The following PDE1C variants were observed in gnomAD, a reference collection of about 807,000 sequenced individuals.
The protein encoded by PDE1C is phosphodiesterase 1C, also known as dual specificity calcium/calmodulin-dependent 3',5'-cyclic nucleotide phosphodiesterase 1C.
Under a neutral mutation model 93.1 loss-of-function variants are expected in PDE1C, and 62 were observed. That is an observed-to-expected ratio of 0.67 (90% CI 0.54 to 0.82). The LOEUF is 0.82. Ranked by LOEUF, PDE1C falls within the 40% of genes least tolerant of loss-of-function variation. The probability of loss-of-function intolerance (pLI) is 0.00; values close to 1 mark genes in which losing one functional copy is unlikely to be tolerated. For missense variants in PDE1C, 742 were observed against 884.6 expected (o/e 0.84, Z 2.04); for synonymous variants, 325 against 310.1 (o/e 1.05, Z -0.50).
At chr7:31,660,995 G>T in the PDE1C span, among the ~76,000 whole-genome samples, 1 of 152,102 alleles carries the variant, frequency 6.6e-6, no homozygotes, top group East Asian at 1.9e-4. Flanking sequence ...ATGATAAAAA[G>T]AAATGTGATG....
At chr7:32,385,472 A>C (rs1037464639) in intron 1 of PDE1C, among the ~76,000 whole-genome samples, 4 of 152,092 alleles carry the variant, frequency 2.6e-5, no homozygotes, top group African/African-American at 7.2e-5. Context: ...TTGGCACTCC[A>C]CTTCTTGAGT....
At position 32,147,984 on chromosome 7, in the gene PDE1C, T is replaced by TAAAAAAAAAAAAAA. The variant is rs752433564; in HGVS notation, c.308+21787_308+21800dup. On this transcript the variant is annotated intron_variant, in intron 3 of 18. Transcript: ENST00000396193. ...AACTTGCCTCTCAACCCATTTATGC[T>TAAAAAAAAAAAAAA]AAAAAAAAAAAAAAAAAAAAAGCCT... Among the ~76,000 whole-genome samples the TAAAAAAAAAAAAAA allele has an allele frequency of 1.1e-3, 89 of 79,718 alleles. 9 individuals are homozygous for TAAAAAAAAAAAAAA. Among genetic ancestry groups the TAAAAAAAAAAAAAA allele is most frequent in the African/African-American group, 4.4e-3 (79 of 17,878 alleles). The allele number at this position is 79,718 out of a possible 152,430, so 52.3% of individuals were successfully genotyped here. A position where few individuals can be genotyped will look rare whatever the true frequency, so the allele number is the denominator to read the frequency against.
chr7:32,329,536 A>G (rs215634), intron 1 of PDE1C, among the ~76,000 whole-genome samples: 76,866 of 152,094 alleles, frequency 0.51, 22,148 homozygotes, highest in Admixed American at 0.66. Context: ...CCTTTTCCAC[A>G]GAGGTATGGC....
At chr7:32,137,960 T>G (rs946704927) in intron 3 of PDE1C, among the ~76,000 whole-genome samples, 1 of 152,192 alleles carries the variant, frequency 6.6e-6, no homozygotes, top group African/African-American at 2.4e-5. Flanking sequence ...ATCCCCAGGT[T>G]TTTCCAGGAT....
intron 16 of PDE1C, among the ~76,000 whole-genome samples, chr7:31,781,900 A>G (rs140700926): frequency 1.1e-3 from 166 of 152,280 alleles, no homozygotes; most frequent in African/African-American, 3.8e-3. Context: ...ACCACAAGCT[A>G]TTTAAATGTG....
intron 2 of PDE1C, among the ~76,000 whole-genome samples, chr7:32,006,118 T>C (rs1786222651): frequency 1.3e-5 from 2 of 152,162 alleles, no homozygotes; most frequent in South Asian, 2.1e-4. Flanking sequence ...GTCAAACAGG[T>C]AAGAAAAGAC....
intron 1 of PDE1C, among the ~76,000 whole-genome samples, chr7:32,296,412 G>A (rs533662299): frequency 6.6e-5 from 10 of 152,304 alleles, no homozygotes; most frequent in South Asian, 2.1e-4. Context: ...AATGTTTGCC[G>A]TGTGGCAGGC....
intron 3 of PDE1C, among the ~76,000 whole-genome samples, chr7:32,085,394 A>G (rs2128740916): frequency 6.9e-6 from 1 of 144,646 alleles, no homozygotes; most frequent in Admixed American, 6.9e-5. Context: ...CCAGGACCAG[A>G]TGGATTCACA....
chr7:31,862,064 CACTA>C (rs987988580), intron 7 of PDE1C, among the ~76,000 whole-genome samples: 1 of 152,184 alleles, frequency 6.6e-6, no homozygotes, highest in African/African-American at 2.4e-5. Flanking sequence ...TAAAACCCTG[CACTA>C]ACTCTGTGGT....
chr7:32,118,561 GA>G (rs1799117313), intron 3 of PDE1C, among the ~76,000 whole-genome samples: 2 of 152,198 alleles, frequency 1.3e-5, no homozygotes. Context: ...ATGGTGAACA[GA>G]AATTTATTTG....
At chr7:31,950,235 G>A (rs1807182037) in intron 2 of PDE1C, among the ~76,000 whole-genome samples, 1 of 152,162 alleles carries the variant, frequency 6.6e-6, no homozygotes, top group Non-Finnish European at 1.5e-5. Flanking sequence ...GGCACTGTGT[G>A]TAAAGATAAA....
chr7:31,677,087 A>G, the PDE1C span, among the ~76,000 whole-genome samples: 3 of 152,230 alleles, frequency 2.0e-5, no homozygotes, highest in Non-Finnish European at 4.4e-5. Context: ...AAAAATGTGT[A>G]GCAGTAAAAT....
chr7:31,944,958 T>C (rs1457431847), intron 2 of PDE1C, among the ~76,000 whole-genome samples: 1 of 152,196 alleles, frequency 6.6e-6, no homozygotes, highest in Non-Finnish European at 1.5e-5. Flanking sequence ...TTTCCCCTGC[T>C]CTTTTCCTGT....
intron 3 of PDE1C, among the ~76,000 whole-genome samples, chr7:32,146,697 T>G (rs1201946234): frequency 6.6e-6 from 1 of 152,182 alleles, no homozygotes; most frequent in African/African-American, 2.4e-5. Flanking sequence ...GAGGAATTAT[T>G]GTGCCAACCA....
chr7:32,095,059 A>G (rs1797678087), intron 3 of PDE1C, among the ~76,000 whole-genome samples: 1 of 152,222 alleles, frequency 6.6e-6, no homozygotes, highest in African/African-American at 2.4e-5. Flanking sequence ...ATAGAAAGTA[A>G]TGTGCCCCTC....
the PDE1C span, among the ~76,000 whole-genome samples, chr7:31,731,155 G>A: frequency 6.6e-6 from 1 of 152,064 alleles, no homozygotes; most frequent in African/African-American, 2.4e-5. Flanking sequence ...GAAGCTCATA[G>A]AAGCTGGAGG....
chr7:31,622,977 T>A, the PDE1C span, among the ~76,000 whole-genome samples: 4 of 151,214 alleles, frequency 2.6e-5, no homozygotes, highest in African/African-American at 9.7e-5. Flanking sequence ...ACTACAAACA[T>A]CTACGCCAAT....
chr7:32,085,714 A>G (rs1396952447), intron 3 of PDE1C, among the ~76,000 whole-genome samples: 1 of 151,084 alleles, frequency 6.6e-6, no homozygotes, highest in African/African-American at 2.4e-5. Flanking sequence ...CAAATCAATA[A>G]ATGTAATCCA....
chr7:31,651,211 G>C, the PDE1C span: 3 of 1,613,574 alleles, frequency 1.9e-6, no homozygotes, highest in Non-Finnish European at 1.7e-6. Context: ...AGAAGAAATT[G>C]AACAGCACCT....
Sources: allele counts gnomAD v4.1 joint callset (sites outside exome capture counted in the v4.1 genomes callset), GRCh38; gene constraint gnomAD v4.1.1; transcripts MANE v1.5; gene names NCBI Gene and HGNC (gene_info 2026-07-23, HGNC 2026-07-21).